The following KIAA1217 variants were observed in gnomAD, a reference collection of about 807,000 sequenced individuals.
KIAA1217 encodes the protein sickle tail protein homolog.
Under a neutral mutation model 163.9 loss-of-function variants are expected in KIAA1217, and 88 were observed. The observed-to-expected ratio is 0.54, with a 90% CI of 0.45 to 0.64. The LOEUF is 0.64. KIAA1217 is among the 30% of genes least tolerant of loss of function. KIAA1217 has a pLI of 0.00. For missense variants in KIAA1217, 2,372 were observed against 2,475.0 expected, an observed-to-expected ratio of 0.96 and a Z score of 0.88; for synonymous variants, 903 against 923.1, an observed-to-expected ratio of 0.98 and a Z score of 0.39.
chr10:24,236,530 C>G (rs1212762878), intron 2 of KIAA1217, among the ~76,000 whole-genome samples: 1 of 152,120 alleles, frequency 6.6e-6, no homozygotes, highest in Non-Finnish European at 1.5e-5. Flanking sequence ...AGGCGTGAGC[C>G]ACTGCGCTAG....
intron 2 of KIAA1217, among the ~76,000 whole-genome samples, chr10:24,344,473 T>G (rs2047480248): frequency 1.3e-5 from 2 of 152,220 alleles, no homozygotes; most frequent in African/African-American, 4.8e-5. Flanking sequence ...TAAATCTTCT[T>G]GCAGAGCAGG....
intron 2 of KIAA1217, among the ~76,000 whole-genome samples, chr10:24,269,144 G>A (rs956870807): frequency 2.1e-5 from 3 of 146,048 alleles, no homozygotes; most frequent in African/African-American, 7.7e-5. Context: ...CACCAGCATG[G>A]CACATGTATA....
At chr10:24,150,201 G>C (rs1007352251) in intron 2 of KIAA1217, among the ~76,000 whole-genome samples, 77 of 152,144 alleles carry the variant, frequency 5.1e-4, no homozygotes, top group African/African-American at 1.8e-3. Context: ...ATTTTTAGTA[G>C]CGATGGGGTT....
chr10:23,896,582 A>G (rs1463999565), intron 1 of KIAA1217, among the ~76,000 whole-genome samples: 5 of 151,986 alleles, frequency 3.3e-5, no homozygotes, highest in Non-Finnish European at 7.4e-5. Flanking sequence ...ACAGTTGGGT[A>G]ATGTATGATG....
Position 24,473,408 on chromosome 10 carries a change from A to G in KIAA1217, c.1027A>G (p.Asn343Asp), listed in dbSNP as rs778207848. Residue 343 changes from asparagine to aspartate, a missense_variant, in exon 6 of 21, where the codon AAT becomes GAT. Coordinates refer to ENST00000376454, the MANE Select transcript of KIAA1217 (RefSeq NM_019590.5). ...GGTRSMVVPG[N>D]ATIPRDRISS... is the part of the protein sequence containing the mutation. ...CACCCGCTCCATGGTTGTTCCTGGCAATGCCACCATCCCCAGGGACAGAAT... is the reference window on the plus strand; with the variant it reads ...CACCCGCTCCATGGTTGTTCCTGGCGATGCCACCATCCCCAGGGACAGAAT... 1 of 1,613,886 alleles carries G rather than the reference A, an allele frequency of 6.2e-7. No homozygotes were observed. The highest frequency in any genetic ancestry group is 8.5e-7 in the Non-Finnish European group (1 of 1,179,908).
rs150777975 is a variant in KIAA1217 at position 24,437,500 on chromosome 10, A to G, written c.753-886A>G. On this transcript the variant is annotated intron_variant, in intron 4 of 20. Transcript: ENST00000376454. ...AAGAGAGGAATTCTTCCTCCTGCCC[A>G]CATTTCTCTGAGCTAGCCCAGCCGG... 5.7e-3 allele frequency among the ~76,000 whole-genome samples: 868 copies of G among 152,354 alleles called. 5 individuals are homozygous for G. Among genetic ancestry groups the G allele is most frequent in the Non-Finnish European group, 9.4e-3 (641 of 68,028 alleles).
chr10:24,110,911 TA>T (rs1403620111), intron 2 of KIAA1217, among the ~76,000 whole-genome samples: 3 of 152,240 alleles, frequency 2.0e-5, no homozygotes, highest in African/African-American at 7.2e-5. Flanking sequence ...ATTTTTAAGT[TA>T]TTTTTTTCAG....
chr10:24,125,322 C>G (rs980634065), intron 2 of KIAA1217, among the ~76,000 whole-genome samples: 95 of 143,818 alleles, frequency 6.6e-4, no homozygotes, highest in Admixed American at 8.4e-4. Flanking sequence ...ATCCTATGCT[C>G]TGTGTGTGTG....
intron 2 of KIAA1217, among the ~76,000 whole-genome samples, chr10:24,159,595 C>T (rs3858209): frequency 0.65 from 97,916 of 151,074 alleles, 32,571 homozygotes; most frequent in Non-Finnish European, 0.73. Context: ...CTGGCTAACA[C>T]GGTGAAACCC....
upstream of KIAA1217, chr10:24,208,932 C>G: frequency 2.4e-6 from 1 of 412,564 alleles, no homozygotes; most frequent in Non-Finnish European, 4.4e-6. Context: ...GGAGAGCGCG[C>G]CTGAGGACGG....
intron 1 of KIAA1217, among the ~76,000 whole-genome samples, chr10:24,004,275 C>T (rs1003942259): frequency 6.6e-6 from 1 of 152,222 alleles, no homozygotes; most frequent in South Asian, 2.1e-4. Flanking sequence ...CAGCACCCGG[C>T]CGAGGGCTTT....
intron 2 of KIAA1217, among the ~76,000 whole-genome samples, chr10:24,325,882 A>G (rs2044812246): frequency 6.6e-6 from 1 of 152,206 alleles, no homozygotes; most frequent in African/African-American, 2.4e-5. Context: ...TCCTCTCTCT[A>G]AATGAATACT....
At chr10:23,931,397 C>T (rs1386549322) in intron 1 of KIAA1217, among the ~76,000 whole-genome samples, 1 of 152,168 alleles carries the variant, frequency 6.6e-6, no homozygotes, top group Non-Finnish European at 1.5e-5. Context: ...TTGCCCTTCA[C>T]CCCTGTACCT....
At chr10:23,927,327 T>G (rs563846850) in intron 1 of KIAA1217, among the ~76,000 whole-genome samples, 15 of 132,040 alleles carry the variant, frequency 1.1e-4, no homozygotes, top group East Asian at 8.5e-4. Flanking sequence ...AGTCATAGGG[T>G]GTGTGTGTGT....
intron 2 of KIAA1217, among the ~76,000 whole-genome samples, chr10:24,061,383 G>A (rs149269097): frequency 8.1e-4 from 123 of 152,194 alleles, no homozygotes; most frequent in Non-Finnish European, 1.5e-3. Flanking sequence ...ATTTAATAGT[G>A]TTGTATTTTA....
chr10:24,286,969 T>A (rs1049990133), intron 2 of KIAA1217, among the ~76,000 whole-genome samples: 13 of 152,196 alleles, frequency 8.5e-5, no homozygotes, highest in Middle Eastern at 6.3e-3. Context: ...AATACAAAAT[T>A]CCTCAGTTCT....
At chr10:23,854,403 T>C (rs1839532238) in intron 1 of KIAA1217, among the ~76,000 whole-genome samples, 1 of 152,220 alleles carries the variant, frequency 6.6e-6, no homozygotes, top group African/African-American at 2.4e-5. Flanking sequence ...TTCTGTTCTT[T>C]TACATTTTCT....
intron 2 of KIAA1217, among the ~76,000 whole-genome samples, chr10:24,081,430 C>A (rs2061535285): frequency 6.6e-6 from 1 of 152,176 alleles, no homozygotes; most frequent in Non-Finnish European, 1.5e-5. Flanking sequence ...GTGGGCACAG[C>A]AGTTGACCTG....
chr10:23,909,923 G>C (rs1842357842), intron 1 of KIAA1217, among the ~76,000 whole-genome samples: 1 of 152,266 alleles, frequency 6.6e-6, no homozygotes, highest in African/African-American at 2.4e-5. Context: ...CAGCGTAAAA[G>C]CATTCCTATT....
Sources: allele counts gnomAD v4.1 joint callset (sites outside exome capture counted in the v4.1 genomes callset), GRCh38; gene constraint gnomAD v4.1.1; transcripts MANE v1.5; gene names NCBI Gene and HGNC (gene_info 2026-07-23, HGNC 2026-07-21).